Variants in HDAC4 observed in about 807,000 individuals in gnomAD.
HDAC4 encodes histone deacetylase 4.
HDAC4 carries 16 observed loss-of-function variants against 135.1 expected under a neutral mutation model. The ratio of observed to expected loss-of-function variants is 0.12; its 90% CI spans 0.08 to 0.18. The LOEUF (loss-of-function observed/expected upper bound fraction) is 0.18. Ranked by LOEUF, HDAC4 falls within the 10% of genes least tolerant of loss-of-function variation. The pLI, the probability that HDAC4 is intolerant of heterozygous loss-of-function variation, is 1.00. For missense variants in HDAC4, 1,143 were observed against 1,511.8 expected, an observed-to-expected ratio of 0.76 and a Z score of 4.05; for synonymous variants, 685 against 653.4, an observed-to-expected ratio of 1.05 and a Z score of -0.74.
intron 1 of HDAC4, among the ~76,000 whole-genome samples, chr2:239,387,459 AAGAAACCTCCTCTTAG>A (rs1250248547): frequency 6.6e-6 from 1 of 152,162 alleles, no homozygotes; most frequent in Non-Finnish European, 1.5e-5. Flanking sequence ...CTTCGCCTGG[AAGAAACCTCCTCTTAG>A]AGGTGTGCAG....
At chr2:239,126,023 T>C (rs942487235) in intron 12 of HDAC4, among the ~76,000 whole-genome samples, 5 of 152,242 alleles carry the variant, frequency 3.3e-5, no homozygotes, top group Non-Finnish European at 5.9e-5. Context: ...TGTGGGTTGC[T>C]AGTTTATTTA....
At chr2:239,067,634 T>C (rs1054555983) in intron 23 of HDAC4, among the ~76,000 whole-genome samples, 1 of 152,056 alleles carries the variant, frequency 6.6e-6, no homozygotes, top group African/African-American at 2.4e-5. Flanking sequence ...TTGCCCTCTG[T>C]CTGGTCACTT....
At chr2:239,369,695 A>G (rs562568918) in intron 1 of HDAC4, among the ~76,000 whole-genome samples, 1 of 152,312 alleles carries the variant, frequency 6.6e-6, no homozygotes, top group South Asian at 2.1e-4. Flanking sequence ...AGAAGTGTTC[A>G]ACACAGCGCC....
intron 2 of HDAC4, among the ~76,000 whole-genome samples, chr2:239,338,448 C>A (rs1008632965): frequency 5.3e-5 from 8 of 152,160 alleles, no homozygotes; most frequent in African/African-American, 1.9e-4. Flanking sequence ...GAGATTCTCA[C>A]ACCGACCTTC....
At chr2:239,316,161 C>T (rs963756942) in intron 2 of HDAC4, among the ~76,000 whole-genome samples, 8 of 152,282 alleles carry the variant, frequency 5.3e-5, no homozygotes, top group African/African-American at 1.7e-4. Context: ...CTCCAAAGCC[C>T]CGTGGGAATA....
At chr2:239,225,873 G>A (rs2047213500) in intron 3 of HDAC4, among the ~76,000 whole-genome samples, 1 of 152,222 alleles carries the variant, frequency 6.6e-6, no homozygotes, top group Admixed American at 6.5e-5. Context: ...GACAGTGTGT[G>A]CATCTTGCTG....
chr2:239,246,685 G>A (rs1029654749), intron 2 of HDAC4, among the ~76,000 whole-genome samples: 9 of 152,252 alleles, frequency 5.9e-5, no homozygotes, highest in African/African-American at 1.7e-4. Context: ...GCCTGGCATG[G>A]CCAGGCTGCT....
chr2:239,185,258 A>AT (rs143347935), intron 4 of HDAC4, among the ~76,000 whole-genome samples: 12,816 of 150,674 alleles, frequency 0.085, 619 homozygotes, highest in East Asian at 0.15. Flanking sequence ...GTTGTGCCCT[A>AT]TAGGGGTGCC....
Position 239,286,768 on chromosome 2 carries a change from G to A in HDAC4, c.23-50104C>T, listed in dbSNP as rs116505140. On this transcript the variant is annotated intron_variant, in intron 2 of 26. Coordinates refer to ENST00000543185, the MANE Select transcript of HDAC4 (RefSeq NM_001378414.1). ...AAGGAAGGAGCGGCTGCTATGCTGA[G>A]GTAGGCCGGCCAAGGATGAGAAGAA... is the stretch of plus-strand genomic sequence containing the variant. Among the ~76,000 whole-genome samples, 386 of 152,226 alleles carry A rather than the reference G, an allele frequency of 2.5e-3. 2 individuals are homozygous for A. The highest frequency in any genetic ancestry group is 9.0e-3 in the African/African-American group (373 of 41,514).
intron 24 of HDAC4, among the ~76,000 whole-genome samples, chr2:239,061,659 C>T (rs1408599336): frequency 2.0e-5 from 3 of 152,166 alleles, no homozygotes; most frequent in African/African-American, 7.2e-5. Flanking sequence ...AGCAGGCAGC[C>T]AGCTCTCAGG....
intron 1 of HDAC4, among the ~76,000 whole-genome samples, chr2:239,382,428 A>G (rs1346009756): frequency 4.6e-5 from 7 of 152,356 alleles, no homozygotes; most frequent in Non-Finnish European, 8.8e-5. Context: ...CTCTAATATT[A>G]ATGATACTGG....
intron 11 of HDAC4, among the ~76,000 whole-genome samples, chr2:239,132,986 A>G (rs1033589994): frequency 2.6e-5 from 4 of 152,212 alleles, no homozygotes; most frequent in Non-Finnish European, 4.4e-5. Flanking sequence ...CTGTGGCCGC[A>G]GCTCAGAGAG....
intron 24 of HDAC4, among the ~76,000 whole-genome samples, chr2:239,062,130 T>C (rs1028812256): frequency 2.0e-5 from 3 of 152,270 alleles, no homozygotes; most frequent in Non-Finnish European, 4.4e-5. Flanking sequence ...TCACTGCCCA[T>C]AGTCACTGGC....
rs777474268 is a variant in HDAC4, at chr2:239,115,206, C to A, written c.1638G>T (p.Leu546=). 1.2e-6 allele frequency: 2 copies of A among 1,611,944 alleles called. No individual in the cohort carries two copies. The highest frequency in any genetic ancestry group is 1.7e-6 in the Non-Finnish European group (2 of 1,179,904). ...CCTCCTTCTGCCCCGGCAGCCGGTC[C>A]AGGTAGGGCTCGTCCAGCAGAGCCT... The part of the protein sequence containing the change: ...EHQALLDEPY[L]DRLPGQKEAH... The change falls in exon 13 of 27, where the codon CTG becomes CTT. Residue 546 remains leucine, a synonymous_variant. Transcript: ENST00000543185. This position sits in a 1 kb window ranked among gnomAD's most constrained non-coding sequence, Gnocchi z 6.3.
intron 3 of HDAC4, among the ~76,000 whole-genome samples, chr2:239,222,120 T>A (rs374805391): frequency 6.6e-6 from 1 of 152,062 alleles, no homozygotes. Context: ...CAGAAACAGA[T>A]CAGAAACGCC....
chr2:239,158,723 C>T (rs1452992529), intron 6 of HDAC4, among the ~76,000 whole-genome samples: 2 of 152,036 alleles, frequency 1.3e-5, no homozygotes, highest in Non-Finnish European at 2.9e-5. Context: ...CGCCCCACCG[C>T]GCACCCGCCC....
At chr2:239,234,583 A>T (rs1013776791) in intron 3 of HDAC4, among the ~76,000 whole-genome samples, 2 of 152,196 alleles carry the variant, frequency 1.3e-5, no homozygotes, top group Non-Finnish European at 2.9e-5. Flanking sequence ...GCTGACACAT[A>T]TCTTTCATCT....
intron 17 of HDAC4, chr2:239,093,967 A>G (rs2152734502): frequency 1.0e-6 from 1 of 985,404 alleles, no homozygotes; most frequent in East Asian, 1.1e-4. Context: ...TCTCTTTCTG[A>G]CGGGATAATT....
intron 17 of HDAC4, among the ~76,000 whole-genome samples, chr2:239,092,320 C>T (rs1186769932): frequency 6.6e-6 from 1 of 152,110 alleles, no homozygotes; most frequent in Non-Finnish European, 1.5e-5. Flanking sequence ...CTGCCACCTG[C>T]TCTGTGTCAG....
Sources: gnomAD v4.1 joint callset for allele counts (sites outside exome capture counted in the v4.1 genomes callset) on GRCh38, gnomAD v4.1.1 for gene constraint, Gnocchi (gnomAD v3.1) non-coding constraint, MANE v1.5 for transcripts, NCBI Gene and HGNC (gene_info 2026-07-23, HGNC 2026-07-21) for gene names.